Variants in FGF14 observed in about 807,000 individuals in gnomAD.
The protein encoded by FGF14 is fibroblast growth factor 14, also known as fibroblast growth factor homologous factor 4.
Under a neutral mutation model 25.5 loss-of-function variants are expected in FGF14, and 5 were observed. The observed-to-expected ratio is 0.20, with a 90% CI of 0.10 to 0.41. The LOEUF (loss-of-function observed/expected upper bound fraction) is 0.41, where lower values mean the gene tolerates loss of function less well. FGF14 is among the 10% of genes least tolerant of loss of function. The pLI is 1.00. For synonymous variants in FGF14, 138 were observed against 118.3 expected (o/e 1.17, Z -1.08); for missense variants, 222 against 320.1 (o/e 0.69, Z 2.34).
chr13:102,108,135 A>G (rs78063760), intron 1 of FGF14, among the ~76,000 whole-genome samples: 5,323 of 152,240 alleles, frequency 0.035, 316 homozygotes, highest in East Asian at 0.2. Context: ...AGTTTATGCT[A>G]TTTTTTCATC....
chr13:101,781,430 T>C lies in FGF14; in HGVS notation c.409-54620A>G, dbSNP rs9582525. ...GATAGAAACTCAAAGACTAAATGAA[T>C]ACATGAGTGTCATACATATATCGAA... On this transcript the variant is annotated intron_variant, in intron 3 of 4. Coordinates refer to ENST00000376143, the MANE Select transcript of FGF14 (RefSeq NM_004115.4). 1.7e-3 allele frequency among the ~76,000 whole-genome samples: 261 copies of C among 152,288 alleles called. 1 individual carries two copies. Among genetic ancestry groups the C allele is most frequent in the African/African-American group, 6.0e-3 (249 of 41,570 alleles).
chr13:102,069,827 T>C (rs528758014), intron 1 of FGF14, among the ~76,000 whole-genome samples: 16 of 152,014 alleles, frequency 1.1e-4, no homozygotes, highest in Non-Finnish European at 1.5e-5. Flanking sequence ...ACCCACCAAT[T>C]CCAGACACAA....
chr13:102,295,426 A>T (rs971044604), intron 1 of FGF14, among the ~76,000 whole-genome samples: 4 of 152,086 alleles, frequency 2.6e-5, no homozygotes, highest in African/African-American at 9.7e-5. Context: ...TAGCAGCCTT[A>T]AGTTTTTTTC....
At chr13:101,911,030 GA>G (rs908589413) in intron 1 of FGF14, among the ~76,000 whole-genome samples, 58 of 151,874 alleles carry the variant, frequency 3.8e-4, no homozygotes, top group African/African-American at 1.3e-3. Flanking sequence ...GAAAAATATA[GA>G]ATTCCATAAC....
rs887802380 is a variant in FGF14 at position 101,715,234 on chromosome 13, T to A, written c.*7597A>T. The A allele has an allele frequency of 1.3e-5, 3 of 227,806 alleles. No homozygotes were observed. Among genetic ancestry groups the A allele is most frequent in the Non-Finnish European group, 2.6e-5 (3 of 114,936 alleles). The allele number at this position is 227,806 out of a possible 1,614,324, so 14.1% of individuals were successfully genotyped here. A position where few individuals can be genotyped will look rare whatever the true frequency, so the allele number is the denominator to read the frequency against. On this transcript the variant is annotated 3_prime_UTR_variant, in exon 5 of 5. Coordinates refer to ENST00000376143, the MANE Select transcript of FGF14 (RefSeq NM_004115.4). ...TGCCTCATGTTATGTCAAAGAGCCT[T>A]ATGTTTTTCTGTATTTATTCATAAG...
chr13:102,339,224 C>T (rs2056879819), intron 1 of FGF14, among the ~76,000 whole-genome samples: 1 of 150,888 alleles, frequency 6.6e-6, no homozygotes, highest in Admixed American at 6.6e-5. Context: ...TATTTAAACA[C>T]AAAAATTGAA....
intron 1 of FGF14, among the ~76,000 whole-genome samples, chr13:102,191,766 T>C (rs2140827790): frequency 1.3e-5 from 2 of 152,246 alleles, no homozygotes; most frequent in South Asian, 4.1e-4. Flanking sequence ...CTAAATCAAA[T>C]ATAAGTAAGC....
intron 1 of FGF14, among the ~76,000 whole-genome samples, chr13:102,188,946 GAGAAAGAA>G (rs71125054): frequency 0.027 from 2,430 of 90,862 alleles, 59 homozygotes; most frequent in Non-Finnish European, 0.038. Flanking sequence ...AAAGAAAGGA[GAGAAAGAA>G]AGAAAGAAAG....
At chr13:101,989,255 A>G (rs1404733170) in intron 1 of FGF14, among the ~76,000 whole-genome samples, 1 of 152,100 alleles carries the variant, frequency 6.6e-6, no homozygotes, top group Non-Finnish European at 1.5e-5. Flanking sequence ...TTTAAATTAT[A>G]AAAAGTTACA....
intron 3 of FGF14, among the ~76,000 whole-genome samples, chr13:101,830,941 C>T (rs547120852): frequency 1.1e-4 from 16 of 152,174 alleles, no homozygotes; most frequent in Admixed American, 5.2e-4. Context: ...TTCATCACTC[C>T]GATCCTCTTC....
intron 1 of FGF14, among the ~76,000 whole-genome samples, chr13:102,077,108 T>A (rs954689492): frequency 6.6e-6 from 1 of 152,174 alleles, no homozygotes; most frequent in Non-Finnish European, 1.5e-5. Context: ...GCTTATCTCA[T>A]GCCATATACA....
At chr13:102,197,870 T>A (rs1157398423) in intron 1 of FGF14, among the ~76,000 whole-genome samples, 1 of 152,168 alleles carries the variant, frequency 6.6e-6, no homozygotes, top group African/African-American at 2.4e-5. Context: ...CGGTACACAG[T>A]AGCCCACTCC....
At chr13:101,900,739 G>A (rs545090775) in intron 1 of FGF14, among the ~76,000 whole-genome samples, 3 of 152,164 alleles carry the variant, frequency 2.0e-5, no homozygotes, top group Admixed American at 6.6e-5. Context: ...TTCTTGATCC[G>A]CATGGTCTTC....
chr13:102,160,322 GT>G (rs1288289667), intron 1 of FGF14, among the ~76,000 whole-genome samples: 1 of 152,040 alleles, frequency 6.6e-6, no homozygotes, highest in Non-Finnish European at 1.5e-5. Context: ...CCTAGATACT[GT>G]CATAGTAGGA....
chr13:102,253,874 G>A (rs1379200616), intron 1 of FGF14, among the ~76,000 whole-genome samples: 2 of 152,154 alleles, frequency 1.3e-5, no homozygotes, highest in African/African-American at 4.8e-5. Flanking sequence ...TCTTAATTAA[G>A]GAACCCTTGT....
intron 1 of FGF14, among the ~76,000 whole-genome samples, chr13:102,267,957 A>T (rs1442352200): frequency 6.6e-6 from 1 of 152,138 alleles, no homozygotes; most frequent in Non-Finnish European, 1.5e-5. Context: ...AAAAATACAA[A>T]AAAAAAGAGT....
intron 1 of FGF14, among the ~76,000 whole-genome samples, chr13:102,024,112 G>C (rs114201104): frequency 6.6e-6 from 1 of 151,958 alleles, no homozygotes; most frequent in Non-Finnish European, 1.5e-5. Context: ...ACATGAACAT[G>C]TGTTTTTAAA....
chr13:101,773,504 GATAAA>G (rs530178200), intron 3 of FGF14, among the ~76,000 whole-genome samples: 177 of 152,138 alleles, frequency 1.2e-3, no homozygotes, highest in African/African-American at 4.0e-3. Flanking sequence ...TGTGAGAAAT[GATAAA>G]ATAAGAGTTC....
In FGF14 at chr13:102,388,392, T is replaced by G. The variant is rs1009106535; in HGVS notation, c.208+13079A>C. Among the ~76,000 whole-genome samples, 15 of 152,314 alleles carry G rather than the reference T, an allele frequency of 9.8e-5. No individual in the cohort carries two copies. The Middle Eastern group carries it at 0.01, about 104-fold the overall frequency. On this transcript the variant is annotated intron_variant, in intron 1 of 4. Coordinates refer to the FGF14 transcript ENST00000376131. The stretch of plus-strand genomic sequence containing the variant: ...CAACTACATGTAACAACAACATAAA[T>G]GTACCTGCTAACTAGATTTCCTATC...
Sources: gnomAD v4.1 joint callset for allele counts (sites outside exome capture counted in the v4.1 genomes callset) on GRCh38, gnomAD v4.1.1 for gene constraint, MANE v1.5 for transcripts, NCBI Gene and HGNC (gene_info 2026-07-23, HGNC 2026-07-21) for gene names.